PUM2: variants seen among roughly 807,000 people sequenced by gnomAD.
The protein encoded by PUM2 is pumilio homolog 2.
PUM2 carries 57 observed loss-of-function variants against 124.5 expected under a neutral mutation model. That is an observed-to-expected ratio of 0.46 (90% CI 0.37 to 0.57). The LOEUF is 0.57. Among genes scored for constraint, PUM2 ranks in the 20% least tolerant of loss-of-function variants. The probability of loss-of-function intolerance (pLI) is 0.00; values close to 1 mark genes in which losing one functional copy is unlikely to be tolerated. For missense variants in PUM2, 1,065 were observed against 1,290.6 expected, an observed-to-expected ratio of 0.83 and a Z score of 2.68; for synonymous variants, 460 against 446.1, an observed-to-expected ratio of 1.03 and a Z score of -0.39.
intron 10 of PUM2, among the ~76,000 whole-genome samples, chr2:20,289,476 C>A (rs1198204355): frequency 6.6e-6 from 1 of 152,118 alleles, no homozygotes; most frequent in Non-Finnish European, 1.5e-5. Context: ...TCTGCTTTTG[C>A]CAAGGTCTCT....
chr2:20,351,844 G>C (rs1277809987), upstream of PUM2, among the ~76,000 whole-genome samples: 1 of 152,204 alleles, frequency 6.6e-6, no homozygotes, highest in East Asian at 1.9e-4. Flanking sequence ...AGGACCTTGT[G>C]TTTTGTTTCA....
rs1166443631 is a variant in PUM2 at position 20,327,293 on chromosome 2, T to C, written c.51+17A>G. On this transcript the variant is annotated intron_variant, in intron 2 of 20. Transcript: ENST00000361078. ...AATAAAGTGAGGTGTAAGTTCTTAGTATTTGCAAACATTTACCTCTCCCAT... is the reference window on the plus strand; with the variant it reads ...AATAAAGTGAGGTGTAAGTTCTTAGCATTTGCAAACATTTACCTCTCCCAT... The C allele has an allele frequency of 3.3e-6, 5 of 1,501,286 alleles. No individual in the cohort carries two copies. The highest frequency in any genetic ancestry group is 4.6e-6 in the Non-Finnish European group (5 of 1,085,268). 93.0% of individuals were successfully genotyped at this position (1,501,286 alleles called of 1,614,324 possible). A position where few individuals can be genotyped will look rare whatever the true frequency, so the allele number is the denominator to read the frequency against.
chr2:20,284,958 A>G (rs1481917827), intron 10 of PUM2, among the ~76,000 whole-genome samples: 1 of 152,276 alleles, frequency 6.6e-6, no homozygotes, highest in African/African-American at 2.4e-5. Flanking sequence ...GCCAGTCAAT[A>G]GTCTTAACTG....
Position 20,253,956 on chromosome 2 carries a change from C to T in PUM2, c.2929G>A (p.Asp977Asn), listed in dbSNP as rs1172199573. The T allele has an allele frequency of 2.5e-6, 4 of 1,614,006 alleles. No individual in the cohort carries two copies. In the African/African-American group the frequency reaches 4.0e-5, roughly 16 times the overall value. Residue 977 changes from aspartate to asparagine, a missense_variant, in exon 20 of 21, where the codon GAC becomes AAC. Asp to Asn is a conservative substitution (Grantham distance 23). Coordinates refer to ENST00000361078, the MANE Select transcript of PUM2 (RefSeq NM_015317.5). Reference protein sequence around the residue: ...ASRAERALLIDEVCCQNDGPH... With the variant: ...ASRAERALLINEVCCQNDGPH... The stretch of plus-strand genomic sequence containing the variant: ...CCATCATTCTGGCAGCAAACCTCGT[C>T]AATCAGTAAAGCTCTCTCAGCACGG...
intron 7 of PUM2, 126 bp downstream of exon 7, chr2:20,307,852 C>T: frequency 1.6e-6 from 2 of 1,275,436 alleles, no homozygotes; most frequent in Non-Finnish European, 2.1e-6. Flanking sequence ...TGTCATACAA[C>T]CTATTACTTG....
At chr2:20,295,508 T>C (rs1475985302) in intron 8 of PUM2, among the ~76,000 whole-genome samples, 1 of 151,808 alleles carries the variant, frequency 6.6e-6, no homozygotes, top group Non-Finnish European at 1.5e-5. Flanking sequence ...ATGAGGACTA[T>C]TAAAACACCG....
At chr2:20,265,871 T>C (rs1298882580) in intron 13 of PUM2, among the ~76,000 whole-genome samples, 3 of 150,666 alleles carry the variant, frequency 2.0e-5, no homozygotes, top group Non-Finnish European at 4.4e-5. Context: ...TCAAACACCC[T>C]TAATGCATTA....
At chr2:20,337,026 T>C (rs1307624628) in intron 1 of PUM2, among the ~76,000 whole-genome samples, 1 of 152,136 alleles carries the variant, frequency 6.6e-6, no homozygotes, top group Admixed American at 6.6e-5. Context: ...TACCACCACA[T>C]ATGAAGAACT....
chr2:20,268,407 T>A (rs1003641368), intron 13 of PUM2, among the ~76,000 whole-genome samples: 11 of 151,556 alleles, frequency 7.3e-5, no homozygotes, highest in African/African-American at 2.7e-4. Flanking sequence ...AGGTTAAGAG[T>A]TCAAGACCAG....
intron 18 of PUM2, 93 bp from the exon 19 acceptor site, chr2:20,255,077 G>T (rs1664434306): frequency 6.7e-7 from 1 of 1,495,148 alleles, no homozygotes; most frequent in African/African-American, 1.4e-5. Context: ...TAAAAATCCA[G>T]TAGGATAGTT....
intron 15 of PUM2, among the ~76,000 whole-genome samples, chr2:20,260,129 G>C (rs1212494717): frequency 6.6e-6 from 1 of 152,082 alleles, no homozygotes; most frequent in Admixed American, 6.5e-5. Context: ...TGTCATTTGG[G>C]TTGTCTTTTT....
chr2:20,293,484 G>A (rs1241636910), intron 9 of PUM2, among the ~76,000 whole-genome samples: 1 of 152,176 alleles, frequency 6.6e-6, no homozygotes, highest in Non-Finnish European at 1.5e-5. Context: ...CGAGGTGGGT[G>A]GATTACTTGA....
chr2:20,258,172 A>G (rs1235606420), intron 16 of PUM2, 71 bp downstream of exon 16: 6 of 1,353,306 alleles, frequency 4.4e-6, no homozygotes, highest in Non-Finnish European at 5.0e-6. Context: ...GATTACTGTA[A>G]GATTAAAAAC....
At position 20,261,394 on chromosome 2, in the gene PUM2, C is replaced by CAAAAA. The variant is rs200294801; in HGVS notation, c.2226-933_2226-929dup. Among the ~76,000 whole-genome samples, 522 of 76,588 alleles carry CAAAAA rather than the reference C, an allele frequency of 6.8e-3. 126 individuals carry two copies. Among genetic ancestry groups the CAAAAA allele is most frequent in the Middle Eastern group, 9.6e-3 (1 of 104 alleles). 50.2% of individuals were successfully genotyped at this position (76,588 alleles called of 152,430 possible). A position where few individuals can be genotyped will look rare whatever the true frequency, so the allele number is the denominator to read the frequency against. On this transcript the variant is annotated intron_variant, in intron 14 of 20. Coordinates refer to ENST00000361078, the MANE Select transcript of PUM2 (RefSeq NM_015317.5). ...AAGCGACAGAGTGAGACTCTGTCTC[C>CAAAAA]AAAAAAAAAAAAAAAAAAAAAAAAA...
intron 13 of PUM2, among the ~76,000 whole-genome samples, chr2:20,264,638 T>C (rs766494120): frequency 6.6e-6 from 1 of 152,064 alleles, no homozygotes; most frequent in Admixed American, 6.6e-5. Flanking sequence ...GTATAGATAG[T>C]TGTAAAATAC....
chr2:20,345,536 C>A (rs1688082951), intron 1 of PUM2, among the ~76,000 whole-genome samples: 1 of 152,120 alleles, frequency 6.6e-6, no homozygotes, highest in South Asian at 2.1e-4. Context: ...GTATCACCAG[C>A]ATCTAAGGAC....
rs755390337 is a variant in PUM2, at chr2:20,258,312, G to A, written c.2415C>T (p.Pro805=). ...GGCAGCCATACATCTGCAAGGCTAAGGGTAGAACATGACCACGAATACGAG... is the reference window on the plus strand; with the variant it reads ...GGCAGCCATACATCTGCAAGGCTAAAGGTAGAACATGACCACGAATACGAG... ...LATRIRGHVL[P]LALQMYGCRV... is the part of the protein sequence containing the mutation. Residue 805 remains proline (P), a synonymous_variant, in exon 16 of 21, where the codon CCC becomes CCT. Transcript: ENST00000361078. 1 of 1,612,530 alleles carries A rather than the reference G, an allele frequency of 6.2e-7. No homozygotes were observed. Among genetic ancestry groups the A allele is most frequent in the Non-Finnish European group, 8.5e-7 (1 of 1,178,878 alleles).
chr2:20,321,421 G>A (rs1004026562), intron 2 of PUM2, among the ~76,000 whole-genome samples: 5 of 152,180 alleles, frequency 3.3e-5, no homozygotes, highest in East Asian at 3.9e-4. Context: ...CTTCATTTTC[G>A]AACATTTAGA....
rs368240831 is a variant in PUM2, at chr2:20,273,902, T to C, written c.1957+4681A>G. On this transcript the variant is annotated intron_variant, in intron 13 of 20. Transcript: ENST00000361078. ...GGAACCTAAAAAGCTGGTAATCCTA[T>C]ACATACTTTAACCAAAGAAAAGCAT... Among the ~76,000 whole-genome samples, 50 of 152,304 alleles carry C rather than the reference T, an allele frequency of 3.3e-4. No individual in the cohort carries two copies. In the South Asian group the frequency reaches 9.9e-3, roughly 30 times the overall value.
Sources: allele counts gnomAD v4.1 joint callset (sites outside exome capture counted in the v4.1 genomes callset), GRCh38; gene constraint gnomAD v4.1.1; transcripts MANE v1.5; gene names NCBI Gene and HGNC (gene_info 2026-07-23, HGNC 2026-07-21).